Variants in MAST2 observed in about 807,000 individuals in gnomAD.
The protein encoded by MAST2 is microtubule-associated serine/threonine-protein kinase 2.
MAST2 carries 70 observed loss-of-function variants against 147.4 expected under a neutral mutation model. The observed-to-expected ratio is 0.47, with a 90% CI of 0.39 to 0.58. MAST2 has a LOEUF of 0.58. Ranked by LOEUF, MAST2 falls within the 20% of genes least tolerant of loss-of-function variation. MAST2 has a pLI of 0.00. For missense variants in MAST2, 2,080 were observed against 2,302.3 expected (o/e 0.90, Z 1.98); for synonymous variants, 869 against 896.8 (o/e 0.97, Z 0.55).
chr1:46,010,327 A>G (rs1645661543), intron 9 of MAST2, among the ~76,000 whole-genome samples: 1 of 152,176 alleles, frequency 6.6e-6, no homozygotes, highest in Non-Finnish European at 1.5e-5. Context: ...ATTTGAACTG[A>G]GATTAGAAGG....
chr1:45,829,478 G>A lies in MAST2; in HGVS notation c.365G>A (p.Ser122Asn). 2 of 1,614,192 alleles carry A rather than the reference G, an allele frequency of 1.2e-6. No homozygotes were observed. Among genetic ancestry groups the A allele is most frequent in the Non-Finnish European group, 8.5e-7 (1 of 1,180,018 alleles). ...CCTTTGTCCAGCAGTGTACATAGCA[G>A]TGTGGGACAGGTGACTTGGCAGTCG... ...LLPLSSSVHS[S>N]VGQVTWQSSG... is the part of the protein sequence containing the mutation. Residue 122 changes from serine to asparagine, a missense_variant, in exon 3 of 29, where the codon AGT becomes AAT. Transcript: ENST00000361297.
rs376649619 is a variant in MAST2, at chr1:46,019,499, G to A, written c.1189-97G>A. On this transcript the variant is annotated intron_variant, in intron 10 of 28. Transcript: ENST00000361297. The stretch of plus-strand genomic sequence containing the variant: ...GCTTTGCGGAGCTCTCTATGCTACC[G>A]AATTGTTTCTCCCTGGAGTCAGCTC... The A allele has an allele frequency of 9.2e-5, 85 of 928,276 alleles. 1 individual carries two copies. In the East Asian group the frequency reaches 1.5e-3, roughly 17 times the overall value. 57.5% of individuals were successfully genotyped at this position (928,276 alleles called of 1,614,324 possible).
intron 4 of MAST2, among the ~76,000 whole-genome samples, chr1:45,895,063 A>G (rs1448372329): frequency 6.6e-6 from 1 of 152,352 alleles, no homozygotes; most frequent in East Asian, 1.9e-4. Flanking sequence ...TTTGCAGTCA[A>G]TCCCATCTTC....
rs372615184 is a variant in MAST2 at position 46,006,373 on chromosome 1, C to T, written c.880C>T (p.Arg294Trp). The part of the protein sequence containing the change: ...DEEGRQSPAM[R>W]PRSRSLSPGR... ...GGAAGGACGGCAGTCCCCAGCCATG[C>T]GGCCTCGCTCCCGGAGCCTCAGGTG... The change falls in exon 8 of 29, where the codon CGG becomes TGG. Residue 294 changes from arginine (R) to tryptophan (W), a missense_variant. Physicochemically the swap from Arg to Trp is moderately radical, Grantham distance 101. This residue lies in a region of MAST2 where 569 missense variants were observed against 642.5 expected (regional missense o/e 0.89). Transcript: ENST00000361297. 2.1e-5 allele frequency: 34 copies of T among 1,612,540 alleles called. No individual in the cohort carries two copies. The highest frequency in any genetic ancestry group is 2.5e-5 in the Non-Finnish European group (30 of 1,179,232).
At chr1:45,905,472 TA>T (rs1328815104) in intron 4 of MAST2, among the ~76,000 whole-genome samples, 1 of 152,144 alleles carries the variant, frequency 6.6e-6, no homozygotes, top group Non-Finnish European at 1.5e-5. Flanking sequence ...TAGGCATGTT[TA>T]ATCTTTTAAA....
intron 3 of MAST2, among the ~76,000 whole-genome samples, chr1:45,841,022 G>T (rs1445645127): frequency 1.3e-5 from 2 of 152,116 alleles, no homozygotes; most frequent in Non-Finnish European, 2.9e-5. Context: ...ATGGCTCACT[G>T]CAGTCTGGAC....
chr1:45,927,205 C>T (rs926729499), intron 4 of MAST2, among the ~76,000 whole-genome samples: 3 of 152,122 alleles, frequency 2.0e-5, no homozygotes, highest in East Asian at 1.9e-4. Flanking sequence ...GGAGGCAGGG[C>T]GAGATCACAG....
At chr1:46,021,482 G>C (rs1480954961) in intron 11 of MAST2, among the ~76,000 whole-genome samples, 2 of 152,236 alleles carry the variant, frequency 1.3e-5, no homozygotes, top group Non-Finnish European at 2.9e-5. Flanking sequence ...CAAGGATTGT[G>C]CTTTTCAATG....
chr1:46,028,920 G>A lies in MAST2; in HGVS notation c.2205G>A (p.Gly735=), dbSNP rs368626024. The A allele has an allele frequency of 3.8e-5, 60 of 1,596,724 alleles. No homozygotes were observed. Among genetic ancestry groups the A allele is most frequent in the Non-Finnish European group, 4.9e-5 (58 of 1,172,292 alleles). The change falls in exon 18 of 29, where the codon GGG becomes GGA. Residue 735 remains glycine, a synonymous_variant. Transcript: ENST00000361297. ...FFGDTPEELF[G]QVISDEIVWP... is the part of the protein sequence containing the mutation. ...GAGATACTCCGGAGGAGCTCTTTGG[G>A]CAGGTGATCAGTGGTAGGTACTATG...
rs562557090 is a variant in MAST2, at chr1:45,906,206, A to G, written c.500+23811A>G. Among the ~76,000 whole-genome samples, 4 of 152,314 alleles carry G rather than the reference A, an allele frequency of 2.6e-5. No homozygotes were observed. In the South Asian group the frequency reaches 6.2e-4, roughly 24 times the overall value. ...GATATTTTGTCAGATATATATAGTC[A>G]TGCAATACCATGCAATGTTTTGGTC... On this transcript the variant is annotated intron_variant, in intron 4 of 28. Transcript: ENST00000361297.
intron 3 of MAST2, among the ~76,000 whole-genome samples, chr1:45,840,396 C>A (rs889960767): frequency 6.6e-5 from 10 of 152,154 alleles, no homozygotes; most frequent in Admixed American, 6.5e-5. Flanking sequence ...TGAATGAAAT[C>A]ATTGTGAATG....
chr1:45,854,666 A>G (rs1645731776), intron 3 of MAST2, among the ~76,000 whole-genome samples: 1 of 152,236 alleles, frequency 6.6e-6, no homozygotes, highest in Non-Finnish European at 1.5e-5. Context: ...ACCTACTCTC[A>G]AACTCACCAC....
chr1:45,836,936 C>T (rs139834513), intron 3 of MAST2, among the ~76,000 whole-genome samples: 1 of 152,256 alleles, frequency 6.6e-6, no homozygotes, highest in Non-Finnish European at 1.5e-5. Flanking sequence ...AACTGTTCCA[C>T]CTCAGATCAT....
intron 5 of MAST2, among the ~76,000 whole-genome samples, chr1:45,974,585 C>A (rs1401756747): frequency 2.0e-5 from 3 of 152,078 alleles, no homozygotes; most frequent in African/African-American, 2.4e-5. Context: ...TGAGAAAGAG[C>A]AAGACCCTGT....
At chr1:46,033,696 A>G in intron 26 of MAST2, 106 bp from the exon 27 acceptor site, 1 of 1,441,196 alleles carries the variant, frequency 6.9e-7, no homozygotes, top group Non-Finnish European at 9.4e-7. Context: ...TGCAGGGACA[A>G]AAAGCTGGAG....
At chr1:45,900,219 A>G (rs1277656652) in intron 4 of MAST2, among the ~76,000 whole-genome samples, 8 of 144,822 alleles carry the variant, frequency 5.5e-5, no homozygotes, top group African/African-American at 1.5e-4. Flanking sequence ...GTAGATAGCC[A>G]GTAGTGGGAT....
Position 45,803,789 on chromosome 1 carries a change from C to G in MAST2, c.-107C>G. 3 of 360,326 alleles carry G rather than the reference C, an allele frequency of 8.3e-6. No homozygotes were observed. Among genetic ancestry groups the G allele is most frequent in the Non-Finnish European group, 1.5e-5 (3 of 202,960 alleles). The allele number at this position is 360,326 out of a possible 1,614,324, so 22.3% of individuals were successfully genotyped here. ...GGGTCGGTGGCTTAGGGAGCCCGTC[C>G]GGCCATGGTGGCCGCGGGTGGTGGT... On this transcript the variant is annotated 5_prime_UTR_variant, in exon 1 of 29. Transcript: ENST00000361297.
At chr1:45,920,678 TA>T (rs1653317666) in intron 4 of MAST2, among the ~76,000 whole-genome samples, 7 of 152,236 alleles carry the variant, frequency 4.6e-5, no homozygotes, top group Admixed American at 2.0e-4. Context: ...CAGATTATTT[TA>T]AAATTATTTT....
intron 4 of MAST2, among the ~76,000 whole-genome samples, chr1:45,905,173 TC>T (rs1459485678): frequency 2.3e-4 from 35 of 149,102 alleles, no homozygotes; most frequent in African/African-American, 3.0e-4. Flanking sequence ...ATATGTTTAA[TC>T]TTTTTTTTTT....
Sources: allele counts gnomAD v4.1 joint callset (sites outside exome capture counted in the v4.1 genomes callset), GRCh38; gene constraint gnomAD v4.1.1; regional missense constraint gnomAD v4.1.1; transcripts MANE v1.5; gene names NCBI Gene and HGNC (gene_info 2026-07-23, HGNC 2026-07-21).